Variants in LSAMP observed in about 807,000 individuals in gnomAD.
LSAMP encodes limbic system associated membrane protein.
In LSAMP, 7 loss-of-function variants were observed where a neutral mutation model predicts 38.6. The observed-to-expected ratio is 0.18, with a 90% confidence interval of 0.10 to 0.34. The LOEUF is 0.34. Among genes scored for constraint, LSAMP ranks in the 10% least tolerant of loss-of-function variants. The probability of loss-of-function intolerance (pLI) is 1.00; values close to 1 mark genes in which losing one functional copy is unlikely to be tolerated. For synonymous variants in LSAMP, 154 were observed against 166.8 expected (o/e 0.92, Z 0.59); for missense variants, 313 against 420.0 (o/e 0.75, Z 2.23).
chr3:116,141,829 A>G (rs1029503867), intron 1 of LSAMP, among the ~76,000 whole-genome samples: 52 of 152,028 alleles, frequency 3.4e-4, no homozygotes, highest in Admixed American at 3.4e-3. Flanking sequence ...TAAATACTTT[A>G]TCAGACTATC....
intron 1 of LSAMP, among the ~76,000 whole-genome samples, chr3:116,150,805 G>A (rs1709592928): frequency 6.6e-6 from 1 of 151,990 alleles, no homozygotes; most frequent in African/African-American, 2.4e-5. Flanking sequence ...ACAAAATTAT[G>A]AGGATGTAAT....
chr3:116,108,121 C>G (rs1013898314), intron 1 of LSAMP, among the ~76,000 whole-genome samples: 13 of 151,886 alleles, frequency 8.6e-5, no homozygotes, highest in East Asian at 1.9e-4. Context: ...GGTGCATGAT[C>G]GGTCGCCAAG....
intron 3 of LSAMP, among the ~76,000 whole-genome samples, chr3:115,914,669 C>T (rs1240994568): frequency 6.6e-6 from 1 of 152,100 alleles, no homozygotes; most frequent in Non-Finnish European, 1.5e-5. Flanking sequence ...TTTCTTTTAC[C>T]TCTAATAGTT....
intron 1 of LSAMP, among the ~76,000 whole-genome samples, chr3:116,169,796 T>C (rs1283572783): frequency 6.6e-6 from 1 of 152,210 alleles, no homozygotes; most frequent in African/African-American, 2.4e-5. Context: ...TCTAATTGAC[T>C]TTTCTCGCCA....
At chr3:116,321,667 A>G (rs955189190) in intron 1 of LSAMP, among the ~76,000 whole-genome samples, 1 of 152,182 alleles carries the variant, frequency 6.6e-6, no homozygotes, top group Admixed American at 6.5e-5. Context: ...CACTCTTTCT[A>G]TCAGTGCTAA....
chr3:116,117,836 A>G lies in LSAMP; in HGVS notation c.156-31280T>C, dbSNP rs1048068817. Among the ~76,000 whole-genome samples the G allele has an allele frequency of 4.6e-5, 7 of 152,234 alleles. No homozygotes were observed. The South Asian group carries it at 1.2e-3, about 27-fold the overall frequency. ...TATACTCTCAACATAACTTGTCACT[A>G]TTGACTCTGACCTGGATGACCTGCC... On this transcript the variant is annotated intron_variant, in intron 1 of 6. Transcript: ENST00000490035.
intron 1 of LSAMP, among the ~76,000 whole-genome samples, chr3:116,423,940 T>A (rs1378399725): frequency 1.3e-5 from 2 of 152,046 alleles, no homozygotes; most frequent in Non-Finnish European, 2.9e-5. Context: ...TTTTAAAAAA[T>A]TTAAGACAAG....
intron 1 of LSAMP, among the ~76,000 whole-genome samples, chr3:116,151,919 G>A (rs969702733): frequency 4.6e-5 from 7 of 152,186 alleles, no homozygotes; most frequent in African/African-American, 1.4e-4. Context: ...CAGCCACAAT[G>A]AGACCAGCAA....
At chr3:116,283,185 GA>G (rs200432019) in intron 1 of LSAMP, among the ~76,000 whole-genome samples, 36 of 146,764 alleles carry the variant, frequency 2.5e-4, no homozygotes, top group Admixed American at 1.5e-3. Context: ...AGAAAGAGAG[GA>G]AAAAAAAAGT....
chr3:115,924,644 T>A (rs985906652), intron 3 of LSAMP, among the ~76,000 whole-genome samples: 1 of 152,216 alleles, frequency 6.6e-6, no homozygotes, highest in Non-Finnish European at 1.5e-5. Context: ...GCTGATAAAG[T>A]AGGGAGAAAG....
At position 116,184,346 on chromosome 3, in the gene LSAMP, A is replaced by T. The variant is rs78051626; in HGVS notation, c.156-97790T>A. ...GATAGCTCTTACTAAGTGGAAAGAC[A>T]AGGGTATAAATCCTGGCAGTTGACT... On this transcript the variant is annotated intron_variant, in intron 1 of 6. Coordinates refer to ENST00000490035, the MANE Select transcript of LSAMP (RefSeq NM_002338.5). Among the ~76,000 whole-genome samples the T allele has an allele frequency of 1.8e-4, 28 of 152,050 alleles. No individual in the cohort carries two copies. The East Asian group carries it at 5.4e-3, about 29-fold the overall frequency.
intron 3 of LSAMP, among the ~76,000 whole-genome samples, chr3:115,910,486 A>G (rs1275766602): frequency 6.6e-6 from 1 of 152,156 alleles, no homozygotes; most frequent in Non-Finnish European, 1.5e-5. Flanking sequence ...TGAGACAGCA[A>G]AAAAGACAAA....
intron 6 of LSAMP, chr3:115,816,596 C>CA: frequency 7.8e-7 from 1 of 1,281,910 alleles, no homozygotes. Context: ...GGAAGGTAAC[C>CA]AAAAATAAGA....
At chr3:116,210,093 C>G (rs2046135688) in intron 1 of LSAMP, among the ~76,000 whole-genome samples, 1 of 152,070 alleles carries the variant, frequency 6.6e-6, no homozygotes, top group African/African-American at 2.4e-5. Flanking sequence ...CAATAGGAAC[C>G]TGTTTACAAA....
intron 1 of LSAMP, among the ~76,000 whole-genome samples, chr3:116,144,307 C>T (rs529801487): frequency 7.2e-5 from 11 of 151,972 alleles, no homozygotes; most frequent in East Asian, 3.9e-4. Context: ...GAGACCAATG[C>T]GAGAGGATTG....
chr3:116,179,357 T>C (rs1484244294), intron 1 of LSAMP, among the ~76,000 whole-genome samples: 1 of 152,134 alleles, frequency 6.6e-6, no homozygotes, highest in Admixed American at 6.5e-5. Flanking sequence ...CATTGGAGAA[T>C]ACCATCTATG....
At chr3:115,831,449 A>G (rs900344391) in intron 6 of LSAMP, among the ~76,000 whole-genome samples, 1 of 152,026 alleles carries the variant, frequency 6.6e-6, no homozygotes, top group Non-Finnish European at 1.5e-5. Context: ...CGTCTTTTTA[A>G]TTTTCTGAGG....
chr3:116,402,064 A>G (rs1391008472), intron 1 of LSAMP, among the ~76,000 whole-genome samples: 2 of 152,190 alleles, frequency 1.3e-5, no homozygotes, highest in Non-Finnish European at 2.9e-5. Flanking sequence ...AGCCACTGTC[A>G]TTTTCTAATA....
intron 1 of LSAMP, among the ~76,000 whole-genome samples, chr3:116,108,533 G>T (rs140639784): frequency 2.0e-5 from 3 of 152,152 alleles, no homozygotes; most frequent in African/African-American, 7.2e-5. Flanking sequence ...GAAGCTCGGC[G>T]TCCGTGATGG....
Sources: allele counts gnomAD v4.1 joint callset (sites outside exome capture counted in the v4.1 genomes callset), GRCh38; gene constraint gnomAD v4.1.1; transcripts MANE v1.5; gene names NCBI Gene and HGNC (gene_info 2026-07-23, HGNC 2026-07-21).